PTPRN2: variants seen among roughly 807,000 people sequenced by gnomAD.
PTPRN2 encodes the protein receptor-type tyrosine-protein phosphatase N2.
Under a neutral mutation model 118.8 loss-of-function variants are expected in PTPRN2, and 74 were observed. The ratio of observed to expected loss-of-function variants is 0.62; its 90% CI spans 0.52 to 0.76. The LOEUF is 0.76. Ranked by LOEUF, PTPRN2 falls within the 30% of genes least tolerant of loss-of-function variation. PTPRN2 has a pLI of 0.00. For missense variants in PTPRN2, 1,481 were observed against 1,394.4 expected, an observed-to-expected ratio of 1.06 and a Z score of -0.99; for synonymous variants, 641 against 608.0, an observed-to-expected ratio of 1.05 and a Z score of -0.80.
At chr7:158,516,285 G>A (rs564038034) in intron 1 of PTPRN2, among the ~76,000 whole-genome samples, 1 of 152,336 alleles carries the variant, frequency 6.6e-6, no homozygotes, top group South Asian at 2.1e-4. Flanking sequence ...TTAGAGACCA[G>A]CCTGGGCAAC....
At chr7:157,805,289 C>CTGTG (rs57161533) in intron 12 of PTPRN2, among the ~76,000 whole-genome samples, 58,948 of 148,546 alleles carry the variant, frequency 0.4, 12,046 homozygotes, top group East Asian at 0.67. Context: ...ATATATACTC[C>CTGTG]TGTGTGTGTG....
intron 14 of PTPRN2, among the ~76,000 whole-genome samples, chr7:157,650,504 G>A (rs765559198): frequency 1.3e-5 from 2 of 152,204 alleles, no homozygotes; most frequent in Non-Finnish European, 2.9e-5. Context: ...TTCGCCCTGC[G>A]GCCTGGTTTA....
intron 22 of PTPRN2, among the ~76,000 whole-genome samples, chr7:157,547,918 G>A (rs1022522167): frequency 5.9e-5 from 9 of 151,404 alleles, no homozygotes; most frequent in South Asian, 4.1e-4. Flanking sequence ...CGCCCTGGGC[G>A]TGTCCTGCTC....
At chr7:158,248,740 A>G (rs1232959803) in intron 3 of PTPRN2, among the ~76,000 whole-genome samples, 3 of 76,876 alleles carry the variant, frequency 3.9e-5, no homozygotes, top group Non-Finnish European at 7.5e-5. Flanking sequence ...GCATGCCCCT[A>G]CACACGCACA....
rs140614554 is a variant in PTPRN2 at position 158,139,082 on chromosome 7, A to C, written c.911-567T>G. On this transcript the variant is annotated intron_variant, in intron 6 of 22. Transcript: ENST00000389418. ...CCAAGAAAGTAACTGCTGCCGGAAAAGCCCCTTAAAGGAAGGTGGCAGGGT... is the reference window on the plus strand; with the variant it reads ...CCAAGAAAGTAACTGCTGCCGGAAACGCCCCTTAAAGGAAGGTGGCAGGGT... Among the ~76,000 whole-genome samples the C allele has an allele frequency of 1.2e-4, 18 of 152,296 alleles. No individual in the cohort carries two copies. In the East Asian group the frequency reaches 3.3e-3, roughly 28 times the overall value.
intron 3 of PTPRN2, among the ~76,000 whole-genome samples, chr7:158,276,936 A>G (rs1324724580): frequency 6.6e-6 from 1 of 152,016 alleles, no homozygotes; most frequent in Non-Finnish European, 1.5e-5. Flanking sequence ...CTGGAGGGAG[A>G]AGCCAAACTC....
intron 2 of PTPRN2, among the ~76,000 whole-genome samples, chr7:158,429,107 C>A (rs1243186700): frequency 1.3e-5 from 2 of 152,206 alleles, no homozygotes; most frequent in African/African-American, 4.8e-5. Context: ...TCTAACTGCT[C>A]TGTACTAAGA....
intron 12 of PTPRN2, among the ~76,000 whole-genome samples, chr7:157,771,897 CACAA>C (rs1213430104): frequency 2.0e-5 from 3 of 151,502 alleles, no homozygotes; most frequent in East Asian, 3.9e-4. Flanking sequence ...CAGACACAGA[CACAA>C]ACACACACAG....
At chr7:158,447,818 G>A (rs1055892578) in intron 2 of PTPRN2, among the ~76,000 whole-genome samples, 15 of 152,344 alleles carry the variant, frequency 9.8e-5, no homozygotes, top group South Asian at 2.1e-4. Flanking sequence ...AGCCGAGAGC[G>A]GGGGCAGTGC....
intron 2 of PTPRN2, among the ~76,000 whole-genome samples, chr7:158,330,310 A>T (rs796985824): frequency 1.7e-4 from 13 of 75,284 alleles, no homozygotes; most frequent in African/African-American, 3.2e-4. Flanking sequence ...ATAAGAGCTG[A>T]CACCCGCAGA....
At chr7:157,843,642 T>C (rs1210636264) in intron 12 of PTPRN2, among the ~76,000 whole-genome samples, 6 of 152,188 alleles carry the variant, frequency 3.9e-5, no homozygotes, top group African/African-American at 1.4e-4. Flanking sequence ...GAGCCGCTCA[T>C]TGAGTGCAGG....
chr7:157,900,237 A>G (rs1054094334), intron 11 of PTPRN2, among the ~76,000 whole-genome samples: 50 of 152,334 alleles, frequency 3.3e-4, no homozygotes, highest in African/African-American at 1.2e-3. Context: ...GCTCTGTCGC[A>G]GCTACTCAGC....
intron 12 of PTPRN2, among the ~76,000 whole-genome samples, chr7:157,802,180 G>C (rs1255832933): frequency 1.3e-5 from 2 of 152,176 alleles, no homozygotes; most frequent in African/African-American, 4.8e-5. Context: ...GGCAGATGTC[G>C]AGACCGCGTT....
intron 2 of PTPRN2, among the ~76,000 whole-genome samples, chr7:158,323,905 C>T (rs1305068399): frequency 6.6e-6 from 1 of 152,198 alleles, no homozygotes; most frequent in African/African-American, 2.4e-5. Flanking sequence ...ACACTTCTCC[C>T]ATGCACGGGA....
At chr7:158,541,709 A>G in intron 1 of PTPRN2, 1 of 1,250,730 alleles carries the variant, frequency 8.0e-7, no homozygotes, top group Non-Finnish European at 1.0e-6. Context: ...AACTAAAGAA[A>G]ATTAAAACAC....
chr7:157,779,072 T>G lies in PTPRN2; in HGVS notation c.1789-96135A>C, dbSNP rs185156174. On this transcript the variant is annotated intron_variant, in intron 12 of 22. Transcript: ENST00000389418. This position sits in a 1 kb window ranked among gnomAD's most constrained non-coding sequence, Gnocchi z 4.7. ...GGGTTGTGCCGGGGTCTTCAGACAG[T>G]GCCCTCCCTGGGGTCTTGGGACCCT... Among the ~76,000 whole-genome samples, 192 of 152,348 alleles carry G rather than the reference T, an allele frequency of 1.3e-3. No individual in the cohort carries two copies. The highest frequency in any genetic ancestry group is 3.9e-3 in the Admixed American group (60 of 15,308).
chr7:157,841,069 G>A (rs899197493), intron 12 of PTPRN2, among the ~76,000 whole-genome samples: 15 of 152,234 alleles, frequency 9.9e-5, no homozygotes, highest in African/African-American at 3.4e-4. Flanking sequence ...AGCCGTGTCC[G>A]CCCTGCACTC....
intron 11 of PTPRN2, among the ~76,000 whole-genome samples, chr7:157,982,838 C>G (rs974860666): frequency 1.5e-5 from 2 of 129,864 alleles, no homozygotes; most frequent in African/African-American, 5.9e-5. Flanking sequence ...AACCCCGAGT[C>G]ACAGAGATGA....
intron 11 of PTPRN2, among the ~76,000 whole-genome samples, chr7:157,935,768 G>A (rs909430324): frequency 6.6e-6 from 1 of 151,922 alleles, no homozygotes; most frequent in Non-Finnish European, 1.5e-5. Context: ...GGGAGGCATC[G>A]GCATCTGTGT....
Sources: gnomAD v4.1 joint callset for allele counts (sites outside exome capture counted in the v4.1 genomes callset) on GRCh38, gnomAD v4.1.1 for gene constraint, Gnocchi (gnomAD v3.1) non-coding constraint, MANE v1.5 for transcripts, NCBI Gene and HGNC (gene_info 2026-07-23, HGNC 2026-07-21) for gene names.